The following DESI2 variants were observed in gnomAD, a reference collection of about 807,000 sequenced individuals.
The protein encoded by DESI2 is desumoylating isopeptidase 2.
DESI2 carries 10 observed loss-of-function variants against 24.1 expected under a neutral mutation model. The observed-to-expected ratio is 0.41, with a 90% CI of 0.26 to 0.70. The LOEUF is 0.70. DESI2 is among the 30% of genes least tolerant of loss of function. DESI2 has a pLI of 0.29. For missense variants in DESI2, 122 were observed against 234.9 expected, an observed-to-expected ratio of 0.52 and a Z score of 3.14; for synonymous variants, 71 against 87.7, an observed-to-expected ratio of 0.81 and a Z score of 1.06.
rs1359687520 is a variant in DESI2, at chr1:244,706,285, G to C, written c.*496G>C. On this transcript the variant is annotated 3_prime_UTR_variant, in exon 5 of 5. Coordinates refer to ENST00000302550, the MANE Select transcript of DESI2 (RefSeq NM_016076.5). ...TTAGATTTGTGTTTGTTTTGTTAAAGTTGTTGGCACCAGGATGCAGAGAAT... is the reference window on the plus strand; with the variant it reads ...TTAGATTTGTGTTTGTTTTGTTAAACTTGTTGGCACCAGGATGCAGAGAAT... 1 of 162,126 alleles carries C rather than the reference G, an allele frequency of 6.2e-6. No individual in the cohort carries two copies. The highest frequency in any genetic ancestry group is 1.4e-5 in the Non-Finnish European group (1 of 73,200). 10.0% of individuals were successfully genotyped at this position (162,126 alleles called of 1,614,324 possible).
chr1:244,697,403 G>T (rs1677259860), intron 4 of DESI2, among the ~76,000 whole-genome samples: 2 of 151,174 alleles, frequency 1.3e-5, no homozygotes, highest in Non-Finnish European at 2.9e-5. Context: ...CAGCTACTCA[G>T]GAGGTGGAAG....
rs138695416 is a variant in DESI2 at position 244,686,702 on chromosome 1, G to A, written c.115+33G>A. ...TACACACAGTCTAAATATACTCTCT[G>A]AAGATTTTGTACTTTAAAAGAGTTG... On this transcript the variant is annotated intron_variant, in intron 2 of 4. Coordinates refer to ENST00000302550, the MANE Select transcript of DESI2 (RefSeq NM_016076.5). 40 of 1,419,496 alleles carry A rather than the reference G, an allele frequency of 2.8e-5. No individual in the cohort carries two copies. In the African/African-American group the frequency reaches 5.2e-4, roughly 19 times the overall value. The allele number at this position is 1,419,496 out of a possible 1,614,324, so 87.9% of individuals were successfully genotyped here.
At chr1:244,698,338 G>A (rs1677302175) in intron 4 of DESI2, among the ~76,000 whole-genome samples, 1 of 152,160 alleles carries the variant, frequency 6.6e-6, no homozygotes. Flanking sequence ...TCTGGAAAAA[G>A]GAAGACATAC....
intron 1 of DESI2, among the ~76,000 whole-genome samples, chr1:244,673,584 T>G (rs1349572341): frequency 6.6e-6 from 1 of 152,198 alleles, no homozygotes. Context: ...AGGTTTTTGA[T>G]TGGGTATAGA....
At chr1:244,705,472 C>G in intron 4 of DESI2, 84 bp from the exon 5 acceptor site, 1 of 1,200,164 alleles carries the variant, frequency 8.3e-7, no homozygotes, top group Non-Finnish European at 1.2e-6. Flanking sequence ...ACGCCGCCCC[C>G]CTCCTCCCAC....
At chr1:244,694,410 ATTAC>A in intron 4 of DESI2, 1 of 706,200 alleles carries the variant, frequency 1.4e-6, no homozygotes, top group Non-Finnish European at 2.6e-6. Context: ...CATCTATTGC[ATTAC>A]TCATCGTTGA....
chr1:244,702,895 TAACTA>T (rs1479300752), intron 4 of DESI2, among the ~76,000 whole-genome samples: 1 of 152,050 alleles, frequency 6.6e-6, no homozygotes, highest in East Asian at 1.9e-4. Context: ...GCTATCACAT[TAACTA>T]AATAGTCTTA....
At chr1:244,701,632 C>CCTTTCTTCCTTCCA (rs1466400984) in intron 4 of DESI2, among the ~76,000 whole-genome samples, 3 of 152,144 alleles carry the variant, frequency 2.0e-5, no homozygotes, top group African/African-American at 7.2e-5. Flanking sequence ...ACTAGTAACT[C>CCTTTCTTCCTTCCA]CTTTCTTCCT....
chr1:244,659,567 A>G (rs573959487), intron 1 of DESI2, among the ~76,000 whole-genome samples: 15 of 152,274 alleles, frequency 9.9e-5, no homozygotes, highest in African/African-American at 3.1e-4. Flanking sequence ...CAGACCGGCA[A>G]TGGTGTGTGG....
chr1:244,699,197 G>A (rs557785943), intron 4 of DESI2, among the ~76,000 whole-genome samples: 28 of 152,204 alleles, frequency 1.8e-4, no homozygotes, highest in African/African-American at 6.5e-4. Flanking sequence ...AGCAGTGAGT[G>A]GCTCTCTAAA....
At chr1:244,678,199 G>A (rs1423861089) in intron 1 of DESI2, among the ~76,000 whole-genome samples, 1 of 152,186 alleles carries the variant, frequency 6.6e-6, no homozygotes, top group African/African-American at 2.4e-5. Flanking sequence ...TCTCATTATA[G>A]TGAATTCCAA....
intron 1 of DESI2, among the ~76,000 whole-genome samples, chr1:244,654,801 CT>C (rs1290708412): frequency 3.3e-5 from 5 of 152,142 alleles, no homozygotes; most frequent in African/African-American, 7.2e-5. Flanking sequence ...GCACATCCCC[CT>C]AATCTGAATT....
At chr1:244,659,534 A>G (rs1045334649) in intron 1 of DESI2, among the ~76,000 whole-genome samples, 3 of 152,162 alleles carry the variant, frequency 2.0e-5, no homozygotes, top group African/African-American at 7.2e-5. Flanking sequence ...AGTTGCTTCA[A>G]GTGTCATGCA....
At chr1:244,688,976 C>T (rs1438745092) in intron 2 of DESI2, among the ~76,000 whole-genome samples, 1 of 152,150 alleles carries the variant, frequency 6.6e-6, no homozygotes, top group Non-Finnish European at 1.5e-5. Flanking sequence ...CTGTATATAC[C>T]TCTGTGTGTT....
At chr1:244,658,880 G>A (rs921766103) in intron 1 of DESI2, among the ~76,000 whole-genome samples, 2 of 152,140 alleles carry the variant, frequency 1.3e-5, no homozygotes, top group African/African-American at 2.4e-5. Flanking sequence ...AATACTATGG[G>A]ACTAGACTGA....
At chr1:244,672,543 G>A (rs2819000) in intron 1 of DESI2, among the ~76,000 whole-genome samples, 149,662 of 152,308 alleles carry the variant, frequency 0.98, 73,595 homozygotes, top group East Asian at 1. Context: ...TAACACACCA[G>A]GTTAGAGAAG....
At chr1:244,659,559 G>T (rs764379339) in intron 1 of DESI2, among the ~76,000 whole-genome samples, 1 of 152,168 alleles carries the variant, frequency 6.6e-6, no homozygotes, top group Non-Finnish European at 1.5e-5. Context: ...TCCATCTTCA[G>T]ACCGGCAATG....
intron 1 of DESI2, chr1:244,656,285 C>G (rs1204017947): frequency 6.6e-6 from 1 of 152,182 alleles, no homozygotes; most frequent in Non-Finnish European, 1.5e-5. Context: ...TTGTATTTTT[C>G]TATTTTCTAG....
chr1:244,703,346 T>C (rs535610557), intron 4 of DESI2, among the ~76,000 whole-genome samples: 2 of 152,136 alleles, frequency 1.3e-5, no homozygotes, highest in African/African-American at 4.8e-5. Context: ...GTAGTTCATA[T>C]ACATTCTTTT....
Sources: allele counts gnomAD v4.1 joint callset (sites outside exome capture counted in the v4.1 genomes callset), GRCh38; gene constraint gnomAD v4.1.1; transcripts MANE v1.5; gene names NCBI Gene and HGNC (gene_info 2026-07-23, HGNC 2026-07-21).